Variants in OBI1 observed in about 807,000 individuals in gnomAD.
OBI1 encodes ring finger protein 219.
OBI1 carries 59 observed loss-of-function variants against 62.4 expected under a neutral mutation model. The observed-to-expected ratio is 0.95, with a 90% confidence interval of 0.77 to 1.17. OBI1 has a LOEUF of 1.17. OBI1 is among the 50% of genes most tolerant of loss of function. The pLI is 0.00. For synonymous variants in OBI1, 302 were observed against 292.8 expected (o/e 1.03, Z -0.32); for missense variants, 875 against 830.9 (o/e 1.05, Z -0.65).
rs1368677097 is a variant in OBI1, at chr13:78,616,540, C to CT, written c.1220dup (p.Ser408GlufsTer22). The CT allele has an allele frequency of 6.2e-7, 1 of 1,613,888 alleles. No homozygotes were observed. The highest frequency in any genetic ancestry group is 1.3e-5 in the African/African-American group (1 of 75,014). On this transcript the variant is annotated frameshift_variant, in exon 6 of 6. Transcript: ENST00000282003. LOFTEE classifies it high-confidence loss of function. ...AACCTCCTGCTTGGACCACAGAGCT[C>CT]TCTCTATTTTCTGGAGTACTGAGCT...
rs1219559753 is a variant in OBI1 at position 78,643,204 on chromosome 13, A to C, written c.209-991T>G. 7.7e-4 allele frequency among the ~76,000 whole-genome samples: 117 copies of C among 152,364 alleles called. 2 individuals are homozygous for C. The highest frequency in any genetic ancestry group is 1.0e-4 in the Non-Finnish European group (7 of 68,040). On this transcript the variant is annotated intron_variant, in intron 2 of 5. Transcript: ENST00000282003. ...TTTATGAAATATCACTTAGGTATGA[A>C]TGAATAAAGGTAGGATATGGGATGA...
chr13:78,654,047 A>AG (rs1555290392), intron 1 of OBI1, among the ~76,000 whole-genome samples: 1 of 148,274 alleles, frequency 6.7e-6, no homozygotes, highest in Non-Finnish European at 1.5e-5. Flanking sequence ...AAAAAAAAAA[A>AG]CCTGTGTGAA....
At position 78,614,540 on chromosome 13, in the gene OBI1, TAAA is replaced by T. The variant is rs1875179982; in HGVS notation, c.*1037_*1039del. On this transcript the variant is annotated 3_prime_UTR_variant, in exon 6 of 6. Transcript: ENST00000282003. ...CTTCACAGAAAAGTTTTGTCCTACA[TAAA>T]AGATATTCTATCAGCCAACTGAAAC... is the stretch of plus-strand genomic sequence containing the variant. 6.6e-6 allele frequency: 1 copy of T among 152,640 alleles called. No homozygotes were observed. The highest frequency in any genetic ancestry group is 1.9e-4 in the East Asian group (1 of 5,202). 9.5% of individuals were successfully genotyped at this position (152,640 alleles called of 1,614,324 possible).
intron 1 of OBI1, among the ~76,000 whole-genome samples, chr13:78,654,259 T>G (rs1204749995): frequency 1.3e-5 from 2 of 152,228 alleles, no homozygotes; most frequent in African/African-American, 4.8e-5. Context: ...TTGAATTAAC[T>G]TATTATACAC....
At chr13:78,649,259 C>T (rs982584107) in intron 1 of OBI1, among the ~76,000 whole-genome samples, 4 of 152,054 alleles carry the variant, frequency 2.6e-5, no homozygotes, top group African/African-American at 9.7e-5. Flanking sequence ...CTCCAGCAAG[C>T]AAAGGAAGAG....
At chr13:78,633,036 G>C (rs1406229574) in intron 5 of OBI1, among the ~76,000 whole-genome samples, 1 of 152,166 alleles carries the variant, frequency 6.6e-6, no homozygotes, top group African/African-American at 2.4e-5. Context: ...CCTTGTGGCT[G>C]GCATTAAATG....
intron 1 of OBI1, among the ~76,000 whole-genome samples, chr13:78,645,962 T>C (rs1447002325): frequency 6.6e-6 from 1 of 152,172 alleles, no homozygotes; most frequent in Non-Finnish European, 1.5e-5. Context: ...TAGTCATATT[T>C]TACAAACGGC....
chr13:78,639,642 C>G (rs1478327925), intron 3 of OBI1, among the ~76,000 whole-genome samples: 4 of 146,904 alleles, frequency 2.7e-5, no homozygotes, highest in Non-Finnish European at 6.0e-5. Flanking sequence ...CACATATACA[C>G]CATGGAATAC....
chr13:78,634,268 G>A (rs1471955297), intron 5 of OBI1, among the ~76,000 whole-genome samples: 1 of 151,588 alleles, frequency 6.6e-6, no homozygotes, highest in African/African-American at 2.4e-5. Flanking sequence ...CAGACTCTGG[G>A]GCTGGGCTAT....
chr13:78,656,426 T>C (rs547528372), intron 1 of OBI1, among the ~76,000 whole-genome samples: 4 of 151,788 alleles, frequency 2.6e-5, no homozygotes, highest in South Asian at 4.2e-4. Flanking sequence ...CTACCAAAAA[T>C]ACAAAATTTG....
chr13:78,617,770 C>T (rs907134926), intron 5 of OBI1, among the ~76,000 whole-genome samples: 1 of 151,968 alleles, frequency 6.6e-6, no homozygotes, highest in Non-Finnish European at 1.5e-5. Flanking sequence ...CTGTGTGGGA[C>T]ATCTATCTCA....
At chr13:78,644,724 A>C in intron 2 of OBI1, 138 bp downstream of exon 2, 2 of 927,502 alleles carry the variant, frequency 2.2e-6, no homozygotes, top group South Asian at 3.0e-5. Context: ...TATACATTAC[A>C]CAAATTACTC....
At chr13:78,622,707 C>A (rs1259359924) in intron 5 of OBI1, among the ~76,000 whole-genome samples, 1 of 152,318 alleles carries the variant, frequency 6.6e-6, no homozygotes. Context: ...AGTTTCCTAA[C>A]TCCTCTTTTT....
At chr13:78,619,091 A>C (rs1875422716) in intron 5 of OBI1, among the ~76,000 whole-genome samples, 3 of 152,250 alleles carry the variant, frequency 2.0e-5, no homozygotes. Flanking sequence ...TTTTATAATA[A>C]AGGTATCTCC....
Position 78,639,074 on chromosome 13 carries a change from G to A in OBI1, c.301-3C>T. 1 of 1,610,180 alleles carries A rather than the reference G, an allele frequency of 6.2e-7. No homozygotes were observed. The highest frequency in any genetic ancestry group is 8.5e-7 in the Non-Finnish European group (1 of 1,178,514). On this transcript the variant is annotated splice_polypyrimidine_tract_variant and splice_region_variant and intron_variant, in intron 3 of 5. Coordinates refer to ENST00000282003, the MANE Select transcript of OBI1 (RefSeq NM_024546.4). ...TTCTGTAAACAATCTATTTCGTCCT[G>A]AAAAAGCATTGCATAGTCATGAGGC... is the stretch of plus-strand genomic sequence containing the variant.
At chr13:78,655,349 A>G (rs1031073373) in intron 1 of OBI1, among the ~76,000 whole-genome samples, 5 of 152,170 alleles carry the variant, frequency 3.3e-5, no homozygotes, top group Non-Finnish European at 7.3e-5. Flanking sequence ...ACAAACAAAA[A>G]AAAAACAGGG....
At chr13:78,617,943 C>A (rs545756775) in intron 5 of OBI1, among the ~76,000 whole-genome samples, 1 of 152,080 alleles carries the variant, frequency 6.6e-6, no homozygotes, top group Admixed American at 6.6e-5. Flanking sequence ...CCGGGATTAT[C>A]TTGCTGTTAT....
chr13:78,632,991 T>C (rs1875899947), intron 5 of OBI1, among the ~76,000 whole-genome samples: 1 of 152,216 alleles, frequency 6.6e-6, no homozygotes, highest in Non-Finnish European at 1.5e-5. Context: ...CAGTTCTTTA[T>C]CCAGTTTGAG....
chr13:78,633,560 T>C lies in OBI1; in HGVS notation c.638+1550A>G, dbSNP rs565848296. On this transcript the variant is annotated intron_variant, in intron 5 of 5. Transcript: ENST00000282003. ...ATGGGAAGAAAGTGTGGTGTTCTCA[T>C]GTGCCATCCCTCAGAGAGGTTGCTG... is the stretch of plus-strand genomic sequence containing the variant. Among the ~76,000 whole-genome samples, 18 of 152,312 alleles carry C rather than the reference T, an allele frequency of 1.2e-4. No individual in the cohort carries two copies. The South Asian group carries it at 3.5e-3, about 30-fold the overall frequency.
Sources: gnomAD v4.1 joint callset for allele counts (sites outside exome capture counted in the v4.1 genomes callset) on GRCh38, gnomAD v4.1.1 for gene constraint, MANE v1.5 for transcripts, NCBI Gene and HGNC (gene_info 2026-07-23, HGNC 2026-07-21) for gene names.